The following PDE1C variants were observed in gnomAD, a reference collection of about 807,000 sequenced individuals.
PDE1C encodes the protein phosphodiesterase 1C.
Under a neutral mutation model 93.1 loss-of-function variants are expected in PDE1C, and 62 were observed. The observed-to-expected ratio is 0.67, with a 90% CI of 0.54 to 0.82. The LOEUF is 0.82. Among genes scored for constraint, PDE1C ranks in the 40% least tolerant of loss-of-function variants. The pLI, the probability that PDE1C is intolerant of heterozygous loss-of-function variation, is 0.00. For synonymous variants in PDE1C, 325 were observed against 310.1 expected (o/e 1.05, Z -0.50); for missense variants, 742 against 884.6 (o/e 0.84, Z 2.04).
intron 2 of PDE1C, among the ~76,000 whole-genome samples, chr7:31,887,824 A>G (rs931596505): frequency 1.3e-5 from 2 of 152,244 alleles, no homozygotes; most frequent in Non-Finnish European, 2.9e-5. Flanking sequence ...AAATATTTCA[A>G]GTGTATGGAA....
chr7:32,380,006 C>T (rs1784503575), intron 1 of PDE1C, among the ~76,000 whole-genome samples: 1 of 152,150 alleles, frequency 6.6e-6, no homozygotes, highest in Admixed American at 6.5e-5. Context: ...TAGCTCTTGC[C>T]ATTGCTCCCT....
chr7:32,178,582 G>T (rs1346075398), intron 2 of PDE1C, among the ~76,000 whole-genome samples: 1 of 152,018 alleles, frequency 6.6e-6, no homozygotes, highest in Non-Finnish European at 1.5e-5. Context: ...AGCCTTCAGG[G>T]CACCAAAAAT....
the PDE1C span, among the ~76,000 whole-genome samples, chr7:31,696,527 G>A: frequency 6.6e-6 from 1 of 152,150 alleles, no homozygotes; most frequent in African/African-American, 2.4e-5. Context: ...AAAGCAGGAG[G>A]GCGGAGGTAT....
At chr7:32,371,312 C>T (rs1019787022) in intron 1 of PDE1C, among the ~76,000 whole-genome samples, 12 of 152,346 alleles carry the variant, frequency 7.9e-5, no homozygotes, top group Admixed American at 7.8e-4. Context: ...AGTTTGAGCA[C>T]CCCGTTACAT....
At chr7:32,394,157 A>G (rs994802981) in intron 1 of PDE1C, among the ~76,000 whole-genome samples, 1 of 152,236 alleles carries the variant, frequency 6.6e-6, no homozygotes, top group Non-Finnish European at 1.5e-5. Context: ...GCTTAGGTGC[A>G]TGGTCTGCTA....
chr7:32,204,038 G>C (rs180919032), intron 2 of PDE1C, among the ~76,000 whole-genome samples: 47 of 152,182 alleles, frequency 3.1e-4, no homozygotes, highest in Admixed American at 1.3e-3. Context: ...TTTTTACTAA[G>C]TGCACTTAGA....
In PDE1C at chr7:32,096,820, A is replaced by AGAT. The variant is rs1554502436; in HGVS notation, c.308+72964_308+72965insATC. Reference sequence around the variant, plus strand: ...AGAATCAGAACCAGTAGGGGATAGAAAGATAGATAGATAGATAGATAGATA... The same window carrying AGAT: ...AGAATCAGAACCAGTAGGGGATAGAAGATAGATAGATAGATAGATAGATAGATA... On this transcript the variant is annotated intron_variant, in intron 3 of 18. Coordinates refer to the PDE1C transcript ENST00000396193. 6.2e-4 allele frequency among the ~76,000 whole-genome samples: 90 copies of AGAT among 144,590 alleles called. 1 individual carries two copies. The highest frequency in any genetic ancestry group is 2.1e-3 in the African/African-American group (81 of 38,312). 94.9% of individuals were successfully genotyped at this position (144,590 alleles called of 152,430 possible).
the PDE1C span, chr7:31,686,888 G>T: frequency 1.3e-5 from 2 of 152,128 alleles, no homozygotes; most frequent in African/African-American, 4.8e-5. Context: ...GTCGAAATTA[G>T]CTGTGGCCTC....
intron 1 of PDE1C, among the ~76,000 whole-genome samples, chr7:32,252,416 AAGG>A (rs1174730334): frequency 6.6e-6 from 1 of 152,236 alleles, no homozygotes; most frequent in Non-Finnish European, 1.5e-5. Context: ...AAATATTATG[AAGG>A]AGAAGAACCA....
chr7:32,181,845 A>G (rs370756079), intron 2 of PDE1C, among the ~76,000 whole-genome samples: 1 of 152,260 alleles, frequency 6.6e-6, no homozygotes. Flanking sequence ...CCTTCAAAAA[A>G]TCAATGAATC....
chr7:32,422,739 T>C (rs932374642), intron 1 of PDE1C, among the ~76,000 whole-genome samples: 9 of 152,224 alleles, frequency 5.9e-5, no homozygotes, highest in African/African-American at 2.2e-4. Flanking sequence ...GCATTGGTCA[T>C]CTTTTCAATT....
At chr7:31,768,533 C>G (rs944507338) in intron 17 of PDE1C, among the ~76,000 whole-genome samples, 3 of 152,068 alleles carry the variant, frequency 2.0e-5, no homozygotes, top group Non-Finnish European at 4.4e-5. Context: ...ACTGATGATC[C>G]TTTGTGTTAA....
At chr7:32,130,223 A>G (rs760894941) in intron 3 of PDE1C, among the ~76,000 whole-genome samples, 2 of 151,974 alleles carry the variant, frequency 1.3e-5, no homozygotes, top group Non-Finnish European at 2.9e-5. Flanking sequence ...TTTCCCTCTC[A>G]CTGCAGAAGC....
the PDE1C span, among the ~76,000 whole-genome samples, chr7:31,640,414 T>TCTGTGTGCCCTTTGAACTCTAGCTCC: frequency 6.6e-6 from 1 of 152,040 alleles, no homozygotes; most frequent in Non-Finnish European, 1.5e-5. Context: ...CTCCTTCCTC[T>TCTGTGTGCCCTTTGAACTCTAGCTCC]CCTCTGTGTG....
chr7:32,166,032 A>G (rs1414917740), intron 3 of PDE1C, among the ~76,000 whole-genome samples: 1 of 143,492 alleles, frequency 7.0e-6, no homozygotes, highest in Non-Finnish European at 1.5e-5. Context: ...GACAGTTAAG[A>G]AAACAGAGGT....
chr7:31,626,937 G>A, the PDE1C span, among the ~76,000 whole-genome samples: 286 of 152,314 alleles, frequency 1.9e-3, 1 homozygote, highest in African/African-American at 6.6e-3. Flanking sequence ...TCTAGAAAGT[G>A]GATGGTCACC....
chr7:32,048,285 G>C (rs1792871044), intron 2 of PDE1C, among the ~76,000 whole-genome samples: 1 of 152,104 alleles, frequency 6.6e-6, no homozygotes, highest in Non-Finnish European at 1.5e-5. Flanking sequence ...TGAATGGGTG[G>C]GTTCAGTGAT....
chr7:32,250,375 T>G (rs1809278092), intron 1 of PDE1C, among the ~76,000 whole-genome samples: 1 of 152,176 alleles, frequency 6.6e-6, no homozygotes, highest in Admixed American at 6.5e-5. Context: ...GGAGCAATTC[T>G]CAAATTAGGT....
At chr7:32,167,099 A>AT (rs560031702) in intron 3 of PDE1C, among the ~76,000 whole-genome samples, 1 of 152,170 alleles carries the variant, frequency 6.6e-6, no homozygotes, top group South Asian at 2.1e-4. Flanking sequence ...AATATTTGAA[A>AT]TTTTTTTGAA....
Sources: allele counts gnomAD v4.1 joint callset (sites outside exome capture counted in the v4.1 genomes callset), GRCh38; gene constraint gnomAD v4.1.1; transcripts MANE v1.5; gene names NCBI Gene and HGNC (gene_info 2026-07-23, HGNC 2026-07-21).